Variants in PRKACA observed in about 807,000 individuals in gnomAD.
The protein encoded by PRKACA is protein kinase cAMP-activated catalytic subunit alpha.
Under a neutral mutation model 45.8 loss-of-function variants are expected in PRKACA, and 9 were observed. The ratio of observed to expected loss-of-function variants is 0.20; its 90% CI spans 0.12 to 0.34. The LOEUF (loss-of-function observed/expected upper bound fraction) is 0.34, where lower values mean the gene tolerates loss of function less well. PRKACA is among the 10% of genes least tolerant of loss of function. PRKACA has a pLI of 1.00. For synonymous variants in PRKACA, 160 were observed against 178.6 expected, an observed-to-expected ratio of 0.90 and a Z score of 0.83; for missense variants, 238 against 458.6, an observed-to-expected ratio of 0.52 and a Z score of 4.39.
intron 3 of PRKACA, among the ~76,000 whole-genome samples, chr19:14,104,787 C>T (rs796873113): frequency 1.3e-5 from 2 of 151,556 alleles, no homozygotes; most frequent in East Asian, 1.9e-4. Flanking sequence ...GCACAAGAAT[C>T]GCTTGAAACC....
chr19:14,094,185 GAAAAAAAAAAAA>G (rs940405502), intron 8 of PRKACA, among the ~76,000 whole-genome samples: 16 of 58,934 alleles, frequency 2.7e-4, no homozygotes, highest in South Asian at 8.4e-4. Context: ...TTCTTTTTTT[GAAAAAAAAAAAA>G]AAAAAAAAAA....
intron 1 of PRKACA, among the ~76,000 whole-genome samples, chr19:14,108,884 C>T (rs572672406): frequency 1.8e-4 from 27 of 151,764 alleles, no homozygotes; most frequent in African/African-American, 6.3e-4. Flanking sequence ...CCTGCCACCA[C>T]GCCCAGCTAA....
intron 1 of PRKACA, among the ~76,000 whole-genome samples, chr19:14,111,969 G>C (rs1054207530): frequency 6.6e-6 from 1 of 152,162 alleles, no homozygotes; most frequent in Non-Finnish European, 1.5e-5. Flanking sequence ...GCACCTCCCC[G>C]ACTCGCTGAG....
intron 3 of PRKACA, among the ~76,000 whole-genome samples, chr19:14,103,338 C>A (rs1422105275): frequency 1.3e-5 from 2 of 152,078 alleles, no homozygotes; most frequent in Non-Finnish European, 2.9e-5. Flanking sequence ...GGGTTTAGGA[C>A]CTGCCTTACC....
chr19:14,102,964 C>A, intron 3 of PRKACA, 50 bp from the exon 4 acceptor site: 1 of 1,382,502 alleles, frequency 7.2e-7, no homozygotes, highest in Non-Finnish European at 1.0e-6. Flanking sequence ...GTGAGAGGGG[C>A]CTCATTTCCC....
At chr19:14,098,498 G>A (rs528339884) in intron 5 of PRKACA, 1 of 146,730 alleles carries the variant, frequency 6.8e-6, no homozygotes, top group Non-Finnish European at 1.5e-5. Flanking sequence ...ATTTTTTTTT[G>A]ATTAATTTAT....
In PRKACA at chr19:14,117,728, G is replaced by GGGAAC. The variant is rs1967142081; in HGVS notation, c.-186_-182dup. On this transcript the variant is annotated 5_prime_UTR_variant, in exon 1 of 10. Transcript: ENST00000308677. Reference sequence around the variant, plus strand: ...CGCGTCTCTCCGCGCCCGCCCGCCCGGGAACCTCAGCCCAAGATCTCTGCC... The same window carrying GGGAAC: ...CGCGTCTCTCCGCGCCCGCCCGCCCGGGAACGGAACCTCAGCCCAAGATCTCTGCC... The GGGAAC allele has an allele frequency of 5.6e-6, 1 of 177,156 alleles. No homozygotes were observed. Among genetic ancestry groups the GGGAAC allele is most frequent in the Non-Finnish European group, 1.1e-5 (1 of 91,720 alleles). 11.0% of individuals were successfully genotyped at this position (177,156 alleles called of 1,614,324 possible).
At chr19:14,100,172 T>A (rs1162856142) in intron 5 of PRKACA, among the ~76,000 whole-genome samples, 1 of 151,484 alleles carries the variant, frequency 6.6e-6, no homozygotes, top group Non-Finnish European at 1.5e-5. Context: ...AGACAAAACC[T>A]CACTATGCAG....
intron 1 of PRKACA, among the ~76,000 whole-genome samples, chr19:14,112,020 C>T (rs1029439569): frequency 2.2e-4 from 33 of 152,332 alleles, no homozygotes; most frequent in Middle Eastern, 3.4e-3. Context: ...CACAGAGTCG[C>T]TCCACAGGGT....
At chr19:14,100,740 T>A in intron 5 of PRKACA, 86 bp downstream of exon 5, 2 of 1,325,960 alleles carry the variant, frequency 1.5e-6, no homozygotes, top group Admixed American at 3.4e-5. Flanking sequence ...TATGCTGGAC[T>A]CCTCTGCATT....
At chr19:14,098,166 T>C (rs1977321316) in intron 5 of PRKACA, 1 of 361,770 alleles carries the variant, frequency 2.8e-6, no homozygotes, top group Non-Finnish European at 5.1e-6. Context: ...ACAATGTGGC[T>C]GCATTTCAAA....
chr19:14,099,133 A>C (rs1225614685), intron 5 of PRKACA, among the ~76,000 whole-genome samples: 1 of 152,004 alleles, frequency 6.6e-6, no homozygotes, highest in Non-Finnish European at 1.5e-5. Flanking sequence ...CTCTACTAAA[A>C]ATACAAAAAT....
intron 4 of PRKACA, chr19:14,101,177 C>T: frequency 2.4e-6 from 1 of 411,620 alleles, no homozygotes; most frequent in Non-Finnish European, 4.6e-6. Context: ...TTGAGTAAGG[C>T]TCTGAGGCCA....
intron 1 of PRKACA, among the ~76,000 whole-genome samples, chr19:14,112,000 G>A (rs1041505115): frequency 6.6e-5 from 10 of 152,150 alleles, no homozygotes; most frequent in African/African-American, 2.4e-4. Flanking sequence ...CTGGCTGTCC[G>A]CTGGTGCCCC....
chr19:14,093,924 A>G (rs970954049), intron 8 of PRKACA, 132 bp from the exon 9 acceptor site: 6 of 925,590 alleles, frequency 6.5e-6, no homozygotes, highest in African/African-American at 1.7e-5. Flanking sequence ...GCATCTTGTA[A>G]AACAGCTCCT....
In PRKACA at chr19:14,092,934, T is replaced by C. The variant is rs1420062732; in HGVS notation, c.*178A>G. The C allele has an allele frequency of 2.7e-6, 2 of 746,836 alleles. No homozygotes were observed. Among genetic ancestry groups the C allele is most frequent in the Non-Finnish European group, 4.1e-6 (2 of 487,720 alleles). 46.3% of individuals were successfully genotyped at this position (746,836 alleles called of 1,614,324 possible). A position where few individuals can be genotyped will look rare whatever the true frequency, so the allele number is the denominator to read the frequency against. ...GGGGATGAGGGGGAGCAGCTGGTGT[T>C]TCTGTCCCTCTGATTATCTGGGCTT... On this transcript the variant is annotated 3_prime_UTR_variant, in exon 10 of 10. Transcript: ENST00000308677.
At chr19:14,109,968 ATATATAT>A (rs1966913679) in intron 1 of PRKACA, among the ~76,000 whole-genome samples, 1 of 42,488 alleles carries the variant, frequency 2.4e-5, no homozygotes, top group African/African-American at 9.5e-5. Context: ...AAAAAAAAAT[ATATATAT>A]ATATATATAT....
At chr19:14,106,679 T>G in intron 3 of PRKACA, 81 bp downstream of exon 3, 1 of 1,567,716 alleles carries the variant, frequency 6.4e-7, no homozygotes, top group Non-Finnish European at 8.7e-7. Context: ...AGTGAACGGG[T>G]GGATAGGGCA....
At chr19:14,109,027 CTAT>C (rs1977694527) in intron 1 of PRKACA, among the ~76,000 whole-genome samples, 1 of 150,952 alleles carries the variant, frequency 6.6e-6, no homozygotes, top group South Asian at 2.1e-4. Context: ...CGTGCCCAGC[CTAT>C]TATTTTCTAA....
Sources: gnomAD v4.1 joint callset for allele counts (sites outside exome capture counted in the v4.1 genomes callset) on GRCh38, gnomAD v4.1.1 for gene constraint, MANE v1.5 for transcripts, NCBI Gene and HGNC (gene_info 2026-07-23, HGNC 2026-07-21) for gene names.